E2F3: variants seen among roughly 807,000 people sequenced by gnomAD.
The protein encoded by E2F3 is E2F transcription factor 3, also known as transcription factor E2F3.
In E2F3, 11 loss-of-function variants were observed where a neutral mutation model predicts 44.4. That is an observed-to-expected ratio of 0.25 (90% CI 0.16 to 0.41). The LOEUF is 0.41. Among genes scored for constraint, E2F3 ranks in the 10% least tolerant of loss-of-function variants. E2F3 has a pLI of 1.00. For missense variants in E2F3, 487 were observed against 583.6 expected, an observed-to-expected ratio of 0.83 and a Z score of 1.70; for synonymous variants, 249 against 253.0, an observed-to-expected ratio of 0.98 and a Z score of 0.15.
intron 1 of E2F3, among the ~76,000 whole-genome samples, chr6:20,465,465 A>G (rs541321406): frequency 6.6e-6 from 1 of 151,620 alleles, no homozygotes; most frequent in Non-Finnish European, 1.5e-5. Context: ...ATTCATCCCA[A>G]TTTTTTTTAT....
Position 20,482,882 on chromosome 6 carries a change from G to GTTAACCTCT in E2F3, c.846_847insTTAACCTCT (p.Leu282_Asp283insLeuThrSer). ...ATGAACTGATCCAAAGCTGCACCCT[G>GTTAACCTCT]GACCTCAAACTGTTAACCGAGGATT... On this transcript the variant is annotated inframe_insertion, in exon 4 of 7. Coordinates refer to ENST00000346618, the MANE Select transcript of E2F3 (RefSeq NM_001949.5). 1 of 1,613,860 alleles carries GTTAACCTCT rather than the reference G, an allele frequency of 6.2e-7. No homozygotes were observed.
At chr6:20,415,859 A>T (rs890634406) in intron 1 of E2F3, among the ~76,000 whole-genome samples, 3 of 152,196 alleles carry the variant, frequency 2.0e-5, no homozygotes, top group Admixed American at 2.0e-4. Flanking sequence ...AACTTGCAGA[A>T]GAAAGGATCA....
At chr6:20,438,872 C>A (rs1760679521) in intron 1 of E2F3, among the ~76,000 whole-genome samples, 1 of 152,154 alleles carries the variant, frequency 6.6e-6, no homozygotes, top group South Asian at 2.1e-4. Context: ...CTCATGCAAG[C>A]AAGTTGCTGG....
At chr6:20,468,297 C>T (rs1293478516) in intron 1 of E2F3, among the ~76,000 whole-genome samples, 1 of 152,240 alleles carries the variant, frequency 6.6e-6, no homozygotes, top group Admixed American at 6.5e-5. Flanking sequence ...TCTGGCCAAC[C>T]TGCTGTAAAT....
intron 1 of E2F3, among the ~76,000 whole-genome samples, chr6:20,446,088 G>A (rs1760934895): frequency 6.6e-6 from 1 of 152,224 alleles, no homozygotes; most frequent in Non-Finnish European, 1.5e-5. Flanking sequence ...CCACGCGGAT[G>A]TGGGGAAAAC....
At chr6:20,414,535 G>C (rs1403317977) in intron 1 of E2F3, among the ~76,000 whole-genome samples, 1 of 151,752 alleles carries the variant, frequency 6.6e-6, no homozygotes, top group South Asian at 2.1e-4. Flanking sequence ...TTAAACATAT[G>C]AGCCTTTGAA....
chr6:20,439,097 A>G (rs16883813), intron 1 of E2F3, among the ~76,000 whole-genome samples: 5,006 of 152,292 alleles, frequency 0.033, 280 homozygotes, highest in African/African-American at 0.11. Context: ...AGGTTTTCCG[A>G]AACATTCAAA....
intron 1 of E2F3, among the ~76,000 whole-genome samples, chr6:20,456,544 C>A (rs182503176): frequency 8.5e-4 from 130 of 152,180 alleles, no homozygotes; most frequent in African/African-American, 3.1e-3. Context: ...TACACGCACT[C>A]GCGCACATAT....
At chr6:20,485,400 A>G (rs4134954) in intron 4 of E2F3, among the ~76,000 whole-genome samples, 111,928 of 151,958 alleles carry the variant, frequency 0.74, 41,421 homozygotes, top group Middle Eastern at 0.84. Flanking sequence ...GCAACAGGGT[A>G]AAACCCCATC....
chr6:20,442,706 T>C (rs1026222045), intron 1 of E2F3, among the ~76,000 whole-genome samples: 4 of 152,204 alleles, frequency 2.6e-5, no homozygotes, highest in Non-Finnish European at 2.9e-5. Flanking sequence ...AGGTGGCTCA[T>C]GCCTGTAATC....
Position 20,466,362 on chromosome 6 carries a change from C to T in E2F3, c.394-13484C>T, listed in dbSNP as rs536803391. Among the ~76,000 whole-genome samples the T allele has an allele frequency of 1.1e-3, 164 of 152,252 alleles. 1 individual carries two copies. Among genetic ancestry groups the T allele is most frequent in the African/African-American group, 3.8e-3 (156 of 41,556 alleles). ...TCTTGACCTCCAGTGATCTGCCTAC[C>T]TCAGCCTCCCAAAATGCTGGCATTA... On this transcript the variant is annotated intron_variant, in intron 1 of 6. Coordinates refer to ENST00000346618, the MANE Select transcript of E2F3 (RefSeq NM_001949.5).
Position 20,457,241 on chromosome 6 carries a change from C to A in E2F3, c.394-22605C>A, listed in dbSNP as rs537166396. Among the ~76,000 whole-genome samples the A allele has an allele frequency of 1.5e-4, 23 of 151,646 alleles. No individual in the cohort carries two copies. The East Asian group carries it at 4.3e-3, about 28-fold the overall frequency. ...CCAGGCTGGAGTACAGTGGTCCCAT[C>A]TTGGCTCACTGCACCCTCCGCACCC... On this transcript the variant is annotated intron_variant, in intron 1 of 6. Coordinates refer to ENST00000346618, the MANE Select transcript of E2F3 (RefSeq NM_001949.5).
intron 3 of E2F3, 54 bp downstream of exon 3, chr6:20,481,479 C>T (rs948764509): frequency 2.7e-5 from 41 of 1,531,372 alleles, no homozygotes; most frequent in Non-Finnish European, 2.8e-5. Context: ...TTCAAACTGC[C>T]TGGTTTCTTA....
At chr6:20,469,648 C>T (rs757019395) in intron 1 of E2F3, among the ~76,000 whole-genome samples, 3 of 152,070 alleles carry the variant, frequency 2.0e-5, no homozygotes, top group Non-Finnish European at 4.4e-5. Flanking sequence ...CCAAACTAGT[C>T]CACAAATACA....
chr6:20,409,765 TGCTTCAAGCCCTGAG>T (rs1287832457), intron 1 of E2F3, among the ~76,000 whole-genome samples: 1 of 152,216 alleles, frequency 6.6e-6, no homozygotes, highest in Non-Finnish European at 1.5e-5. Context: ...AAAATAGAAT[TGCTTCAAGCCCTGAG>T]GCCTGAAAGT....
At chr6:20,438,212 T>C (rs1470341174) in intron 1 of E2F3, among the ~76,000 whole-genome samples, 2 of 152,230 alleles carry the variant, frequency 1.3e-5, no homozygotes, top group East Asian at 3.8e-4. Flanking sequence ...TGAGGATTCA[T>C]TGTAATGGGC....
intron 1 of E2F3, among the ~76,000 whole-genome samples, chr6:20,476,146 C>A (rs1298038431): frequency 6.6e-6 from 1 of 151,966 alleles, no homozygotes; most frequent in African/African-American, 2.4e-5. Context: ...CCGAGGAAGG[C>A]GGATCACGAG....
intron 1 of E2F3, chr6:20,403,588 C>T (rs1184327907): frequency 3.1e-5 from 14 of 455,204 alleles, no homozygotes. Context: ...CGGGAGGGGG[C>T]GCTGGAGGGG....
chr6:20,477,074 ACAGT>A (rs1762069565), intron 1 of E2F3, among the ~76,000 whole-genome samples: 1 of 152,178 alleles, frequency 6.6e-6, no homozygotes, highest in Admixed American at 6.5e-5. Flanking sequence ...GTGCCCTGAC[ACAGT>A]CAAAAATTTA....
Sources: allele counts gnomAD v4.1 joint callset (sites outside exome capture counted in the v4.1 genomes callset), GRCh38; gene constraint gnomAD v4.1.1; transcripts MANE v1.5; gene names NCBI Gene and HGNC (gene_info 2026-07-23, HGNC 2026-07-21).